FRMD5: variants seen among roughly 807,000 people sequenced by gnomAD.
FRMD5 encodes the protein FERM domain containing 5.
FRMD5 carries 20 observed loss-of-function variants against 69.0 expected under a neutral mutation model. The observed-to-expected ratio is 0.29, with a 90% CI of 0.20 to 0.42. The LOEUF (loss-of-function observed/expected upper bound fraction) is 0.42, where lower values mean the gene tolerates loss of function less well. FRMD5 is among the 10% of genes least tolerant of loss of function. The probability of loss-of-function intolerance (pLI) is 1.00; values close to 1 mark genes in which losing one functional copy is unlikely to be tolerated. For synonymous variants in FRMD5, 271 were observed against 260.1 expected, an observed-to-expected ratio of 1.04 and a Z score of -0.40; for missense variants, 595 against 708.6, an observed-to-expected ratio of 0.84 and a Z score of 1.82.
At position 43,910,112 on chromosome 15, in the gene FRMD5, T is replaced by C. The variant is rs1486930734; in HGVS notation, c.330-133A>G. 7.5e-6 allele frequency: 4 copies of C among 532,530 alleles called. No individual in the cohort carries two copies. In the African/African-American group the frequency reaches 7.6e-5, roughly 10 times the overall value. The allele number at this position is 532,530 out of a possible 1,614,324, so 33.0% of individuals were successfully genotyped here. ...ATTAAAAAAAAATCCTAAAACATAATGTAGAACAAATACATTCTCCATTTC... is the reference window on the plus strand; with the variant it reads ...ATTAAAAAAAAATCCTAAAACATAACGTAGAACAAATACATTCTCCATTTC... On this transcript the variant is annotated intron_variant, in intron 4 of 13. Coordinates refer to ENST00000417257, the MANE Select transcript of FRMD5 (RefSeq NM_032892.5).
intron 1 of FRMD5, among the ~76,000 whole-genome samples, chr15:44,155,965 G>A (rs927895861): frequency 6.6e-6 from 1 of 151,938 alleles, no homozygotes; most frequent in Non-Finnish European, 1.5e-5. Flanking sequence ...TATGCAAGAA[G>A]TTCTCCAGAG....
At chr15:44,102,052 T>A (rs1344044411) in intron 1 of FRMD5, among the ~76,000 whole-genome samples, 1 of 152,248 alleles carries the variant, frequency 6.6e-6, no homozygotes, top group Non-Finnish European at 1.5e-5. Flanking sequence ...GCAGAAGCAG[T>A]CCACTTGGCA....
chr15:43,992,626 C>T (rs547247152), intron 1 of FRMD5, among the ~76,000 whole-genome samples: 6 of 152,278 alleles, frequency 3.9e-5, no homozygotes, highest in Admixed American at 3.9e-4. Context: ...GACCCACCTG[C>T]CTTGGCCGCC....
intron 5 of FRMD5, 82 bp downstream of exon 5, chr15:43,909,797 CAAG>C (rs2089252710): frequency 2.6e-6 from 2 of 781,784 alleles, no homozygotes; most frequent in South Asian, 1.6e-5. Context: ...TGTTTAGATT[CAAG>C]AAGGAGTCAT....
intron 1 of FRMD5, among the ~76,000 whole-genome samples, chr15:44,148,019 A>G (rs969406579): frequency 6.6e-6 from 1 of 152,164 alleles, no homozygotes; most frequent in African/African-American, 2.4e-5. Flanking sequence ...TAGTGTTCCC[A>G]TTAACACCTA....
intron 1 of FRMD5, among the ~76,000 whole-genome samples, chr15:44,131,176 T>C (rs2077092419): frequency 6.6e-6 from 1 of 152,122 alleles, no homozygotes; most frequent in Admixed American, 6.5e-5. Context: ...GATCTACAAA[T>C]AGCCAATAAG....
At chr15:43,959,563 A>G (rs981028036) in intron 1 of FRMD5, among the ~76,000 whole-genome samples, 7 of 152,212 alleles carry the variant, frequency 4.6e-5, no homozygotes, top group African/African-American at 1.7e-4. Context: ...GGGAGATGAG[A>G]CACAAGAACT....
chr15:43,996,120 C>T (rs1889911220), intron 1 of FRMD5, among the ~76,000 whole-genome samples: 1 of 151,962 alleles, frequency 6.6e-6, no homozygotes, highest in Admixed American at 6.5e-5. Flanking sequence ...GCTGACCTGC[C>T]TCTGGGCTGT....
chr15:44,096,206 CAAAAAAAAA>C (rs1213347011), intron 1 of FRMD5, among the ~76,000 whole-genome samples: 3 of 47,902 alleles, frequency 6.3e-5, no homozygotes, highest in African/African-American at 1.5e-4. Flanking sequence ...AACTCCATCT[CAAAAAAAAA>C]AAAAAAAAAA....
At chr15:43,889,346 G>A (rs544472433) in intron 8 of FRMD5, among the ~76,000 whole-genome samples, 2 of 152,310 alleles carry the variant, frequency 1.3e-5, no homozygotes, top group South Asian at 2.1e-4. Flanking sequence ...CTGTGCCACT[G>A]GATGGAAAAT....
intron 1 of FRMD5, among the ~76,000 whole-genome samples, chr15:43,966,100 G>A (rs1014966847): frequency 3.3e-5 from 5 of 152,130 alleles, no homozygotes; most frequent in Non-Finnish European, 7.4e-5. Flanking sequence ...TGGGCTGGGT[G>A]CGGTGACTTA....
intron 1 of FRMD5, among the ~76,000 whole-genome samples, chr15:44,048,972 CATGCAT>C (rs1478067502): frequency 3.3e-5 from 5 of 152,204 alleles, no homozygotes; most frequent in Non-Finnish European, 7.3e-5. Flanking sequence ...GGAAAGGCAG[CATGCAT>C]TATTGCTGTT....
chr15:44,142,393 A>C (rs1047073362), intron 1 of FRMD5, among the ~76,000 whole-genome samples: 1 of 152,226 alleles, frequency 6.6e-6, no homozygotes, highest in Non-Finnish European at 1.5e-5. Context: ...TTTAGTGAAC[A>C]CATGGTAGCA....
Position 44,195,210 on chromosome 15 carries a change from T to G in FRMD5, c.-156A>C. On this transcript the variant is annotated 5_prime_UTR_variant, in exon 1 of 14. Transcript: ENST00000417257. Reference sequence around the variant, plus strand: ...TCCTGCTGGCCTCGTTCCTCCTCCTTATCCTCCTCCTTCCCTCAGCCGCCA... The same window carrying G: ...TCCTGCTGGCCTCGTTCCTCCTCCTGATCCTCCTCCTTCCCTCAGCCGCCA... The G allele has an allele frequency of 1.8e-6, 1 of 557,924 alleles. No homozygotes were observed. The highest frequency in any genetic ancestry group is 3.1e-6 in the Non-Finnish European group (1 of 323,354). 34.6% of individuals were successfully genotyped at this position (557,924 alleles called of 1,614,324 possible).
chr15:44,073,724 C>T (rs1463061012), intron 1 of FRMD5, among the ~76,000 whole-genome samples: 1 of 152,138 alleles, frequency 6.6e-6, no homozygotes, highest in African/African-American at 2.4e-5. Context: ...CAAGCCATTC[C>T]CTCTCCTGGG....
intron 1 of FRMD5, among the ~76,000 whole-genome samples, chr15:44,068,653 T>C (rs1893410054): frequency 6.6e-6 from 1 of 152,184 alleles, no homozygotes; most frequent in African/African-American, 2.4e-5. Flanking sequence ...TTTGCAGTGA[T>C]AAAAATGTTC....
At chr15:44,024,226 T>C (rs1891335530) in intron 1 of FRMD5, among the ~76,000 whole-genome samples, 1 of 152,172 alleles carries the variant, frequency 6.6e-6, no homozygotes. Flanking sequence ...ATGATTTTTT[T>C]TTTTATGATT....
chr15:44,077,349 G>A (rs1436705648), intron 1 of FRMD5, among the ~76,000 whole-genome samples: 3 of 152,146 alleles, frequency 2.0e-5, no homozygotes, highest in African/African-American at 7.2e-5. Flanking sequence ...GTTTGTTTCT[G>A]AGAAAAATCA....
At chr15:44,190,661 G>A (rs532625455) in intron 1 of FRMD5, among the ~76,000 whole-genome samples, 4 of 152,190 alleles carry the variant, frequency 2.6e-5, no homozygotes, top group East Asian at 1.9e-4. Flanking sequence ...CTTCTCACCC[G>A]GGAGAGGGGT....
Sources: gnomAD v4.1 joint callset for allele counts (sites outside exome capture counted in the v4.1 genomes callset) on GRCh38, gnomAD v4.1.1 for gene constraint, MANE v1.5 for transcripts, NCBI Gene and HGNC (gene_info 2026-07-23, HGNC 2026-07-21) for gene names.